ARHGAP18: variants seen among roughly 807,000 people sequenced by gnomAD.
The protein encoded by ARHGAP18 is rho GTPase-activating protein 18.
ARHGAP18 carries 67 observed loss-of-function variants against 86.2 expected under a neutral mutation model. The ratio of observed to expected loss-of-function variants is 0.78; its 90% CI spans 0.64 to 0.95. ARHGAP18 has a LOEUF of 0.95. ARHGAP18 is among the 40% of genes least tolerant of loss of function. The pLI, the probability that ARHGAP18 is intolerant of heterozygous loss-of-function variation, is 0.00. For missense variants in ARHGAP18, 691 were observed against 780.4 expected, an observed-to-expected ratio of 0.89 and a Z score of 1.37; for synonymous variants, 283 against 280.4, an observed-to-expected ratio of 1.01 and a Z score of -0.09.
At chr6:129,698,361 T>A (rs1774655987) in intron 1 of ARHGAP18, among the ~76,000 whole-genome samples, 1 of 152,188 alleles carries the variant, frequency 6.6e-6, no homozygotes, top group Admixed American at 6.5e-5. Flanking sequence ...TGCTGTTCAA[T>A]CAATAATTCC....
At chr6:129,624,764 G>A (rs1584058121) in intron 5 of ARHGAP18, among the ~76,000 whole-genome samples, 1 of 151,102 alleles carries the variant, frequency 6.6e-6, no homozygotes, top group Non-Finnish European at 1.5e-5. Context: ...GGCCAAGATG[G>A]TGAAACCCCA....
intron 10 of ARHGAP18, among the ~76,000 whole-genome samples, chr6:129,602,393 AT>A (rs1010306311): frequency 6.6e-6 from 1 of 152,060 alleles, no homozygotes. Flanking sequence ...TAAAAGAATC[AT>A]TTTTTCAGAG....
intron 1 of ARHGAP18, among the ~76,000 whole-genome samples, chr6:129,684,686 T>C (rs550153014): frequency 6.6e-6 from 1 of 152,338 alleles, no homozygotes; most frequent in East Asian, 1.9e-4. Flanking sequence ...TAGAAGTCCA[T>C]GGGAATCATC....
In ARHGAP18 at chr6:129,687,177, A is replaced by G. The variant is rs533772823; in HGVS notation, c.113+22847T>C. Among the ~76,000 whole-genome samples, 7 of 152,008 alleles carry G rather than the reference A, an allele frequency of 4.6e-5. No homozygotes were observed. In the South Asian group the frequency reaches 1.2e-3, roughly 27 times the overall value. ...CATCCCTTTGAGATGACAGTTGGCT[A>G]CAGATGTTGAACAGGTATGCAGGGA... is the stretch of plus-strand genomic sequence containing the variant. On this transcript the variant is annotated intron_variant, in intron 1 of 14. Coordinates refer to ENST00000368149, the MANE Select transcript of ARHGAP18 (RefSeq NM_033515.3).
In ARHGAP18 at chr6:129,642,974, G is replaced by C. The variant is rs117462793; in HGVS notation, c.114-956C>G. Among the ~76,000 whole-genome samples, 389 of 152,056 alleles carry C rather than the reference G, an allele frequency of 2.6e-3. No individual in the cohort carries two copies. In the Middle Eastern group the frequency reaches 0.045, roughly 17 times the overall value. On this transcript the variant is annotated intron_variant, in intron 1 of 14. Transcript: ENST00000368149. ...AATTACCTCAAACATTTCTCTCTCA[G>C]ATATTATCTATGAAGAATAAATTGA...
At chr6:129,623,464 T>C (rs1415906994) in intron 5 of ARHGAP18, among the ~76,000 whole-genome samples, 3 of 152,166 alleles carry the variant, frequency 2.0e-5, no homozygotes, top group African/African-American at 4.8e-5. Context: ...GAGGAGAAAT[T>C]TGAATCCACG....
chr6:129,702,373 C>T (rs1774726579), intron 1 of ARHGAP18, among the ~76,000 whole-genome samples: 2 of 152,190 alleles, frequency 1.3e-5, no homozygotes, highest in South Asian at 2.1e-4. Flanking sequence ...TCCCCACTCT[C>T]CTCAAATAAT....
chr6:129,578,648 T>C, intron 14 of ARHGAP18, 44 bp from the exon 15 acceptor site: 1 of 1,464,756 alleles, frequency 6.8e-7, no homozygotes, highest in Non-Finnish European at 9.5e-7. Context: ...GCAGGTAGAT[T>C]GGTATGCAAT....
At chr6:129,583,383 G>A (rs938995355) in intron 13 of ARHGAP18, among the ~76,000 whole-genome samples, 3 of 152,130 alleles carry the variant, frequency 2.0e-5, no homozygotes, top group Non-Finnish European at 4.4e-5. Context: ...CTAATATAGT[G>A]AGAGGGATGC....
chr6:129,652,261 C>A (rs1773730348), intron 1 of ARHGAP18, among the ~76,000 whole-genome samples: 1 of 152,202 alleles, frequency 6.6e-6, no homozygotes, highest in Non-Finnish European at 1.5e-5. Flanking sequence ...CCAGCTTCCT[C>A]AGAACAACTG....
intron 2 of ARHGAP18, among the ~76,000 whole-genome samples, chr6:129,641,325 T>C (rs1193524715): frequency 6.6e-6 from 1 of 152,198 alleles, no homozygotes; most frequent in Non-Finnish European, 1.5e-5. Context: ...CTTCTTCTGT[T>C]CGTCCCAAAG....
At chr6:129,705,392 A>G (rs143345155) in intron 1 of ARHGAP18, among the ~76,000 whole-genome samples, 1 of 152,298 alleles carries the variant, frequency 6.6e-6, no homozygotes, top group Non-Finnish European at 1.5e-5. Context: ...ATCCACCCAC[A>G]TTCTATCTTG....
At chr6:129,619,619 G>A (rs1310503258) in intron 5 of ARHGAP18, among the ~76,000 whole-genome samples, 1 of 94,978 alleles carries the variant, frequency 1.1e-5, no homozygotes, top group Non-Finnish European at 2.2e-5. Context: ...AAATGAAGGG[G>A]AGGGGACGGG....
chr6:129,685,245 A>G (rs1342097773), intron 1 of ARHGAP18, among the ~76,000 whole-genome samples: 1 of 152,180 alleles, frequency 6.6e-6, no homozygotes, highest in African/African-American at 2.4e-5. Context: ...AGTGGCTCAC[A>G]TGTGTAATCC....
intron 8 of ARHGAP18, among the ~76,000 whole-genome samples, chr6:129,609,047 G>A (rs777304272): frequency 3.2e-4 from 48 of 149,706 alleles, no homozygotes; most frequent in Non-Finnish European, 2.4e-4. Context: ...AAAAGGGAGT[G>A]GGAGATAGGG....
chr6:129,578,826 T>C (rs898800661), intron 14 of ARHGAP18, among the ~76,000 whole-genome samples: 5 of 152,098 alleles, frequency 3.3e-5, no homozygotes, highest in African/African-American at 1.2e-4. Context: ...TAGCTAGGCA[T>C]GGTGGCTTGC....
intron 5 of ARHGAP18, among the ~76,000 whole-genome samples, chr6:129,624,501 G>C (rs1352439200): frequency 7.9e-5 from 12 of 151,954 alleles, no homozygotes; most frequent in Admixed American, 7.9e-4. Flanking sequence ...GGGTGACAGA[G>C]CGAGATTCCA....
In ARHGAP18 at chr6:129,600,846, G is replaced by T; in HGVS notation, c.1368C>A (p.Ala456=). 1 of 1,608,644 alleles carries T rather than the reference G, an allele frequency of 6.2e-7. No individual in the cohort carries two copies. The highest frequency in any genetic ancestry group is 8.5e-7 in the Non-Finnish European group (1 of 1,176,916). The part of the protein sequence containing the change: ...LPDANRDTLK[A]LLEFLQRVID... ...TTACTCTTTGGAGAAATTCAAGAAG[G>T]GCCTGAAACAGAAATGACTCTTTGA... is the stretch of plus-strand genomic sequence containing the variant. The change falls in exon 11 of 15, where the codon GCC becomes GCA. Residue 456 remains alanine (A), a splice_region_variant and synonymous_variant. Coordinates refer to ENST00000368149, the MANE Select transcript of ARHGAP18 (RefSeq NM_033515.3).
intron 8 of ARHGAP18, among the ~76,000 whole-genome samples, chr6:129,610,788 T>C (rs4299848): frequency 0.22 from 32,907 of 152,106 alleles, 3,740 homozygotes; most frequent in Non-Finnish European, 0.25. Flanking sequence ...ACACCATGCC[T>C]GGATAATTTT....
Sources: allele counts gnomAD v4.1 joint callset (sites outside exome capture counted in the v4.1 genomes callset), GRCh38; gene constraint gnomAD v4.1.1; transcripts MANE v1.5; gene names NCBI Gene and HGNC (gene_info 2026-07-23, HGNC 2026-07-21).